GLIS1: variants seen among roughly 807,000 people sequenced by gnomAD.
GLIS1 encodes the protein zinc finger protein GLIS1.
Under a neutral mutation model 63.8 loss-of-function variants are expected in GLIS1, and 24 were observed. The ratio of observed to expected loss-of-function variants is 0.38; its 90% CI spans 0.27 to 0.53. The LOEUF is 0.53. GLIS1 is among the 20% of genes least tolerant of loss of function. The pLI is 0.85. For synonymous variants in GLIS1, 450 were observed against 482.5 expected, an observed-to-expected ratio of 0.93 and a Z score of 0.88; for missense variants, 1,036 against 1,074.1, an observed-to-expected ratio of 0.96 and a Z score of 0.50.
Position 53,594,095 on chromosome 1 carries a change from G to C in GLIS1, c.1320+13C>G. 2 of 1,594,454 alleles carry C rather than the reference G, an allele frequency of 1.3e-6. No homozygotes were observed. The highest frequency in any genetic ancestry group is 1.7e-6 in the Non-Finnish European group (2 of 1,167,674). On this transcript the variant is annotated intron_variant, in intron 4 of 10. Coordinates refer to ENST00000628545, the MANE Select transcript of GLIS1 (RefSeq NM_001367484.1). ...GGGGCTGGGGTGAGGCCTGGCGGCC[G>C]GTGGGAACTCACCATGCACTTGTTG...
intron 4 of GLIS1, among the ~76,000 whole-genome samples, chr1:53,556,288 GTACTGTAGGTA>G (rs1644824728): frequency 7.3e-6 from 1 of 137,660 alleles, no homozygotes; most frequent in African/African-American, 2.7e-5. Flanking sequence ...GTGTGCAGGT[GTACTGTAGGTA>G]TGTGTGTGTG....
intron 8 of GLIS1, among the ~76,000 whole-genome samples, chr1:53,512,631 C>A (rs1569718259): frequency 6.6e-6 from 1 of 152,256 alleles, no homozygotes; most frequent in East Asian, 1.9e-4. Flanking sequence ...TGGTGTCAGG[C>A]ACGAGGACGC....
intron 4 of GLIS1, among the ~76,000 whole-genome samples, chr1:53,550,006 G>A (rs1159293566): frequency 1.3e-5 from 2 of 152,180 alleles, no homozygotes. Flanking sequence ...CTGGCATGGG[G>A]TGGCAGCAGC....
intron 2 of GLIS1, among the ~76,000 whole-genome samples, chr1:53,661,477 G>A (rs893678649): frequency 2.6e-5 from 4 of 152,106 alleles, no homozygotes; most frequent in Admixed American, 6.5e-5. Flanking sequence ...CCCCAACATC[G>A]AAAACTCCCC....
chr1:53,693,496 TC>T (rs1421194548), intron 2 of GLIS1, among the ~76,000 whole-genome samples: 1 of 151,942 alleles, frequency 6.6e-6, no homozygotes, highest in Non-Finnish European at 1.5e-5. Context: ...TCTGGCATGC[TC>T]CCCCAGCCAC....
chr1:53,709,365 C>CAT (rs10594619), intron 2 of GLIS1, among the ~76,000 whole-genome samples: 890 of 12,470 alleles, frequency 0.071, 8 homozygotes, highest in African/African-American at 0.09. Flanking sequence ...TATACATATA[C>CAT]ATATATATAT....
Position 53,529,673 on chromosome 1 carries a change from C to A in GLIS1, c.1482+118G>T. Reference sequence around the variant, plus strand: ...CCATCCGACCCACTGCCCTGCCAAGCATCTCCTGCCCCAAACATCGGTGGG... The same window carrying A: ...CCATCCGACCCACTGCCCTGCCAAGAATCTCCTGCCCCAAACATCGGTGGG... On this transcript the variant is annotated intron_variant, in intron 5 of 10. Transcript: ENST00000628545. 4 of 1,055,086 alleles carry A rather than the reference C, an allele frequency of 3.8e-6. No individual in the cohort carries two copies. The South Asian group carries it at 6.0e-5, about 16-fold the overall frequency. 65.4% of individuals were successfully genotyped at this position (1,055,086 alleles called of 1,614,324 possible). A position where few individuals can be genotyped will look rare whatever the true frequency, so the allele number is the denominator to read the frequency against.
intron 2 of GLIS1, among the ~76,000 whole-genome samples, chr1:53,635,742 A>G (rs1435251458): frequency 1.3e-5 from 2 of 152,210 alleles, no homozygotes; most frequent in East Asian, 3.8e-4. Context: ...GGCACAAATA[A>G]CTAGTGTCAG....
intron 2 of GLIS1, among the ~76,000 whole-genome samples, chr1:53,630,276 T>A (rs1645637806): frequency 6.6e-6 from 1 of 152,190 alleles, no homozygotes; most frequent in Non-Finnish European, 1.5e-5. Context: ...TTGTTTCCAA[T>A]TTTTTTGCCA....
chr1:53,684,519 A>G (rs1263733161), intron 2 of GLIS1, among the ~76,000 whole-genome samples: 1 of 152,150 alleles, frequency 6.6e-6, no homozygotes, highest in Non-Finnish European at 1.5e-5. Flanking sequence ...TAGAGGTCAA[A>G]GCCACCAGGG....
intron 7 of GLIS1, among the ~76,000 whole-genome samples, chr1:53,518,798 C>G (rs1443008611): frequency 6.6e-6 from 1 of 152,146 alleles, no homozygotes; most frequent in Non-Finnish European, 1.5e-5. Flanking sequence ...AGTCAGTGGC[C>G]CAAGCAGGTG....
intron 2 of GLIS1, among the ~76,000 whole-genome samples, chr1:53,610,443 G>A (rs1645413893): frequency 6.6e-6 from 1 of 152,116 alleles, no homozygotes; most frequent in South Asian, 2.1e-4. Flanking sequence ...ATTTCTGCTG[G>A]GTATAGAATT....
chr1:53,624,695 C>A (rs1352435526), intron 2 of GLIS1, among the ~76,000 whole-genome samples: 1 of 152,096 alleles, frequency 6.6e-6, no homozygotes, highest in African/African-American at 2.4e-5. Context: ...CATGTACCAC[C>A]ATGCCCAGCT....
At chr1:53,657,162 G>A (rs988000680) in intron 2 of GLIS1, among the ~76,000 whole-genome samples, 2 of 152,186 alleles carry the variant, frequency 1.3e-5, no homozygotes, top group East Asian at 1.9e-4. Flanking sequence ...CATTAAACAG[G>A]TGTGCTTAAA....
In GLIS1 at chr1:53,639,124, A is replaced by G. The variant is rs1161518530; in HGVS notation, c.260-38846T>C. Among the ~76,000 whole-genome samples the G allele has an allele frequency of 6.6e-6, 1 of 152,210 alleles. No individual in the cohort carries two copies. Among genetic ancestry groups the G allele is most frequent in the Non-Finnish European group, 1.5e-5 (1 of 68,040 alleles). ...CCAGTCCTTATTCTGACTGAGCCTC[A>G]GTTTCCTCATCTGTAAAATGAGTCA... On this transcript the variant is annotated intron_variant, in intron 2 of 10. Coordinates refer to ENST00000628545, the MANE Select transcript of GLIS1 (RefSeq NM_001367484.1). The surrounding 1 kb of genome is among the most constrained non-coding windows in gnomAD (Gnocchi z 4.6).
chr1:53,546,038 A>G (rs138010928), intron 4 of GLIS1, among the ~76,000 whole-genome samples: 7 of 152,238 alleles, frequency 4.6e-5, no homozygotes, highest in Non-Finnish European at 1.0e-4. Context: ...CAACTTGCCG[A>G]AGGGCAGGGG....
chr1:53,734,344 C>A, intron 2 of GLIS1: 1 of 290,312 alleles, frequency 3.4e-6, no homozygotes, highest in Non-Finnish European at 5.1e-6. Context: ...GTTACCAATT[C>A]CCAAAGATGT....
At chr1:53,555,731 T>C (rs369724955) in intron 4 of GLIS1, among the ~76,000 whole-genome samples, 7 of 152,132 alleles carry the variant, frequency 4.6e-5, no homozygotes, top group African/African-American at 1.7e-4. Context: ...ATAAAAATTG[T>C]GTGTGTGTAT....
chr1:53,667,617 A>G (rs1646107207), intron 2 of GLIS1, among the ~76,000 whole-genome samples: 1 of 150,574 alleles, frequency 6.6e-6, no homozygotes, highest in Middle Eastern at 3.4e-3. Context: ...TTGTACTGCT[A>G]CAATAAAACA....
Sources: gnomAD v4.1 joint callset for allele counts (sites outside exome capture counted in the v4.1 genomes callset) on GRCh38, gnomAD v4.1.1 for gene constraint, Gnocchi (gnomAD v3.1) non-coding constraint, MANE v1.5 for transcripts, NCBI Gene and HGNC (gene_info 2026-07-23, HGNC 2026-07-21) for gene names.